ENTREP1: variants seen among roughly 807,000 people sequenced by gnomAD.
ENTREP1 encodes the protein Friedreich ataxia region gene X123.
chr9:69,326,440 C>G, the ENTREP1 span, among the ~76,000 whole-genome samples: 4 of 152,284 alleles, frequency 2.6e-5, no homozygotes, highest in East Asian at 7.7e-4. Flanking sequence ...GAGTGCCCAG[C>G]AGCTAGCTAG....
chr9:69,361,617 A>G, the ENTREP1 span, among the ~76,000 whole-genome samples: 1 of 152,200 alleles, frequency 6.6e-6, no homozygotes, highest in African/African-American at 2.4e-5. Context: ...TTTTGTGAAC[A>G]TATGCAAAGG....
the ENTREP1 span, among the ~76,000 whole-genome samples, chr9:69,331,146 G>A: frequency 1.3e-5 from 2 of 152,120 alleles, no homozygotes; most frequent in Admixed American, 1.3e-4. Context: ...GGGCAGGGTA[G>A]GTTGTTGAGA....
the ENTREP1 span, among the ~76,000 whole-genome samples, chr9:69,362,142 T>C: frequency 4.6e-5 from 7 of 152,266 alleles, no homozygotes; most frequent in East Asian, 3.9e-4. Context: ...TGGGTTTAAG[T>C]CGCATCTTGA....
the ENTREP1 span, among the ~76,000 whole-genome samples, chr9:69,372,539 AAT>A: frequency 6.6e-6 from 1 of 152,154 alleles, no homozygotes; most frequent in Non-Finnish European, 1.5e-5. Flanking sequence ...AAGACTATAT[AAT>A]ATTCCATTGT....
chr9:69,354,870 A>G, the ENTREP1 span, among the ~76,000 whole-genome samples: 2 of 152,196 alleles, frequency 1.3e-5, no homozygotes, highest in African/African-American at 2.4e-5. Flanking sequence ...ATAAATAACA[A>G]TTACAATCAG....
chr9:69,351,695 C>A, the ENTREP1 span, among the ~76,000 whole-genome samples: 1 of 152,300 alleles, frequency 6.6e-6, no homozygotes, highest in Non-Finnish European at 1.5e-5. Context: ...GGATTACAAA[C>A]ATGAGCCACC....
At chr9:69,367,550 T>A in the ENTREP1 span, among the ~76,000 whole-genome samples, 2 of 147,848 alleles carry the variant, frequency 1.4e-5, no homozygotes, top group Non-Finnish European at 3.0e-5. Flanking sequence ...TTTTTAGTTT[T>A]CTTTCTAGAG....
the ENTREP1 span, among the ~76,000 whole-genome samples, chr9:69,349,353 TA>T: frequency 6.6e-6 from 1 of 152,232 alleles, no homozygotes; most frequent in East Asian, 1.9e-4. Context: ...GAGAAATTGC[TA>T]AACTGTTTTC....
the ENTREP1 span, chr9:69,325,609 T>G: frequency 8.1e-7 from 1 of 1,229,806 alleles, no homozygotes. Flanking sequence ...TGCTGTCACT[T>G]GGGCTGCTTC....
chr9:69,354,976 T>G, the ENTREP1 span, among the ~76,000 whole-genome samples: 2 of 152,182 alleles, frequency 1.3e-5, no homozygotes, highest in African/African-American at 4.8e-5. Context: ...GGTCCTTATA[T>G]AAATTCAAGT....
the ENTREP1 span, among the ~76,000 whole-genome samples, chr9:69,367,788 CACAT>C: frequency 4.6e-4 from 33 of 72,524 alleles, 2 homozygotes; most frequent in Non-Finnish European, 5.7e-4. Context: ...TATATATACA[CACAT>C]ATATATAAAT....
the ENTREP1 span, chr9:69,382,954 A>G: frequency 1.1e-6 from 1 of 930,520 alleles, no homozygotes. Context: ...AATTATTTTA[A>G]AACTTAGGTT....
At chr9:69,350,637 A>G in the ENTREP1 span, among the ~76,000 whole-genome samples, 3 of 152,092 alleles carry the variant, frequency 2.0e-5, no homozygotes, top group East Asian at 5.8e-4. Flanking sequence ...GAACATTCTC[A>G]AGTAATAATT....
chr9:69,332,303 G>A, the ENTREP1 span, among the ~76,000 whole-genome samples: 2 of 152,202 alleles, frequency 1.3e-5, no homozygotes, highest in East Asian at 1.9e-4. Context: ...TATAGCTCCC[G>A]CCTGGAGCTG....
chr9:69,331,571 T>C, the ENTREP1 span, among the ~76,000 whole-genome samples: 10 of 152,216 alleles, frequency 6.6e-5, no homozygotes, highest in Non-Finnish European at 8.8e-5. Flanking sequence ...AATAGGTTCT[T>C]ACCTGTTCAT....
the ENTREP1 span, chr9:69,380,872 C>T: frequency 6.5e-6 from 1 of 152,710 alleles, no homozygotes; most frequent in Non-Finnish European, 1.5e-5. Flanking sequence ...CCACTCATTT[C>T]CTTTCCTAAG....
At chr9:69,369,689 A>T in the ENTREP1 span, among the ~76,000 whole-genome samples, 24 of 151,404 alleles carry the variant, frequency 1.6e-4, no homozygotes, top group Admixed American at 1.6e-3. Context: ...AGTGTTCCTC[A>T]TCCTCACCAG....
the ENTREP1 span, among the ~76,000 whole-genome samples, chr9:69,370,157 A>G: frequency 0.43 from 65,067 of 151,768 alleles, 14,225 homozygotes; most frequent in African/African-American, 0.51. Context: ...CATTATAACC[A>G]CACTTTTTTT....
At chr9:69,385,994 C>G in the ENTREP1 span, 1 of 1,526,534 alleles carries the variant, frequency 6.6e-7, no homozygotes. Flanking sequence ...GCTTATTTGC[C>G]TAAAGGAGCC....
Sources: allele counts gnomAD v4.1 joint callset (sites outside exome capture counted in the v4.1 genomes callset), GRCh38; gene constraint gnomAD v4.1.1; transcripts MANE v1.5; gene names NCBI Gene and HGNC (gene_info 2026-07-23, HGNC 2026-07-21).